Variants in KCND2 observed in about 807,000 individuals in gnomAD.
The protein encoded by KCND2 is A-type voltage-gated potassium channel KCND2.
Under a neutral mutation model 54.4 loss-of-function variants are expected in KCND2, and 16 were observed. The observed-to-expected ratio is 0.29, with a 90% confidence interval of 0.20 to 0.45. KCND2 has a LOEUF of 0.45. Ranked by LOEUF, KCND2 falls within the 20% of genes least tolerant of loss-of-function variation. The pLI is 1.00. For missense variants in KCND2, 486 were observed against 824.2 expected, an observed-to-expected ratio of 0.59 and a Z score of 5.02; for synonymous variants, 317 against 310.7, an observed-to-expected ratio of 1.02 and a Z score of -0.21.
chr7:120,528,872 G>A (rs1041636095), intron 1 of KCND2, among the ~76,000 whole-genome samples: 16 of 152,014 alleles, frequency 1.1e-4, no homozygotes, highest in African/African-American at 3.6e-4. Flanking sequence ...AGGATTTTTT[G>A]GACCTCCAAA....
intron 1 of KCND2, among the ~76,000 whole-genome samples, chr7:120,424,905 T>C (rs945909869): frequency 1.3e-5 from 2 of 152,234 alleles, no homozygotes; most frequent in African/African-American, 4.8e-5. Context: ...TGTGCTTTCA[T>C]GCAATGCAGA....
At chr7:120,663,158 A>T (rs1791886365) in intron 1 of KCND2, among the ~76,000 whole-genome samples, 1 of 152,162 alleles carries the variant, frequency 6.6e-6, no homozygotes, top group Non-Finnish European at 1.5e-5. Flanking sequence ...TCTTCCTCTT[A>T]TGCGTTCTTG....
intron 1 of KCND2, among the ~76,000 whole-genome samples, chr7:120,517,414 A>G (rs1049373287): frequency 1.3e-5 from 2 of 150,236 alleles, no homozygotes; most frequent in Non-Finnish European, 2.9e-5. Flanking sequence ...TCAAGTAATA[A>G]TTAATATCAG....
chr7:120,343,034 T>C (rs1800264841), intron 1 of KCND2, among the ~76,000 whole-genome samples: 1 of 152,174 alleles, frequency 6.6e-6, no homozygotes, highest in African/African-American at 2.4e-5. Context: ...TAGAATCTTT[T>C]CATCCTTGTT....
chr7:120,295,347 AACAC>A (rs56748699), intron 1 of KCND2, among the ~76,000 whole-genome samples: 50,817 of 141,076 alleles, frequency 0.36, 9,981 homozygotes, highest in Middle Eastern at 0.47. Context: ...GTCATAGAGT[AACAC>A]ACACACACAC....
intron 1 of KCND2, among the ~76,000 whole-genome samples, chr7:120,525,929 T>C (rs934728462): frequency 1.3e-5 from 2 of 152,178 alleles, no homozygotes; most frequent in Non-Finnish European, 2.9e-5. Context: ...AATGGTGTTA[T>C]ATGTGTCAGT....
chr7:120,689,341 AT>A (rs1422631065), intron 1 of KCND2, among the ~76,000 whole-genome samples: 2 of 152,178 alleles, frequency 1.3e-5, no homozygotes, highest in East Asian at 1.9e-4. Context: ...TGCAATACAA[AT>A]TTTATTTTTT....
intron 1 of KCND2, among the ~76,000 whole-genome samples, chr7:120,572,515 G>T (rs1425873359): frequency 6.6e-6 from 1 of 151,142 alleles, no homozygotes; most frequent in African/African-American, 2.4e-5. Context: ...GAGAAAGTGT[G>T]AACATAATAT....
intron 1 of KCND2, among the ~76,000 whole-genome samples, chr7:120,356,925 A>C (rs959589109): frequency 6.6e-6 from 1 of 152,070 alleles, no homozygotes; most frequent in African/African-American, 2.4e-5. Flanking sequence ...GTGACAAGCT[A>C]TGTGACCATG....
chr7:120,731,255 GA>G, intron 1 of KCND2, among the ~76,000 whole-genome samples: 1 of 152,216 alleles, frequency 6.6e-6, no homozygotes, highest in East Asian at 1.9e-4. Flanking sequence ...GATGAGGAGT[GA>G]AAAAATAAAT....
intron 1 of KCND2, among the ~76,000 whole-genome samples, chr7:120,713,050 T>G (rs1792559569): frequency 6.6e-6 from 1 of 152,180 alleles, no homozygotes; most frequent in African/African-American, 2.4e-5. Context: ...TAAGCCTCCT[T>G]TCCCTTACCT....
intron 1 of KCND2, among the ~76,000 whole-genome samples, chr7:120,391,694 G>T (rs938788685): frequency 2.0e-5 from 3 of 151,666 alleles, no homozygotes; most frequent in Non-Finnish European, 4.4e-5. Flanking sequence ...TTTCATGTTT[G>T]TTGGCCACAT....
intron 1 of KCND2, among the ~76,000 whole-genome samples, chr7:120,384,674 T>C (rs1266468639): frequency 2.0e-5 from 3 of 152,152 alleles, no homozygotes; most frequent in Non-Finnish European, 2.9e-5. Flanking sequence ...CCAGAAGATA[T>C]CAAACAAAAT....
chr7:120,509,942 C>T (rs936075378), intron 1 of KCND2, among the ~76,000 whole-genome samples: 2 of 151,976 alleles, frequency 1.3e-5, no homozygotes, highest in African/African-American at 4.8e-5. Context: ...ATGGAATAGC[C>T]GTTGTGCAAA....
chr7:120,581,206 A>T (rs1213417960), intron 1 of KCND2, among the ~76,000 whole-genome samples: 1 of 152,216 alleles, frequency 6.6e-6, no homozygotes, highest in East Asian at 1.9e-4. Context: ...GCCAAATATG[A>T]CTAGTGTCAA....
intron 1 of KCND2, among the ~76,000 whole-genome samples, chr7:120,691,626 A>G (rs938885011): frequency 6.6e-6 from 1 of 152,148 alleles, no homozygotes; most frequent in African/African-American, 2.4e-5. Flanking sequence ...TGCCTACTAC[A>G]CACCAAGTGG....
intron 1 of KCND2, among the ~76,000 whole-genome samples, chr7:120,598,629 T>C (rs1792777234): frequency 6.6e-6 from 1 of 152,188 alleles, no homozygotes; most frequent in Non-Finnish European, 1.5e-5. Flanking sequence ...TTTAGACAAG[T>C]AGTTTTTCAG....
At chr7:120,550,617 A>G (rs1792094481) in intron 1 of KCND2, among the ~76,000 whole-genome samples, 2 of 152,216 alleles carry the variant, frequency 1.3e-5, no homozygotes, top group South Asian at 2.1e-4. Context: ...AGCACTTTGT[A>G]GTCAACCACA....
chr7:120,322,559 C>T (rs1035217103), intron 1 of KCND2, among the ~76,000 whole-genome samples: 4 of 152,102 alleles, frequency 2.6e-5, no homozygotes, highest in Non-Finnish European at 4.4e-5. Flanking sequence ...GGTTGTGATT[C>T]TACAATTTTG....
Sources: allele counts gnomAD v4.1 joint callset (sites outside exome capture counted in the v4.1 genomes callset), GRCh38; gene constraint gnomAD v4.1.1; transcripts MANE v1.5; gene names NCBI Gene and HGNC (gene_info 2026-07-23, HGNC 2026-07-21).